SIPA1L1: variants seen among roughly 807,000 people sequenced by gnomAD.
SIPA1L1 encodes signal-induced proliferation-associated 1-like protein 1.
A neutral mutation model predicts 162.7 loss-of-function variants in SIPA1L1; 26 were observed. The ratio of observed to expected loss-of-function variants is 0.16; its 90% CI spans 0.12 to 0.22. The LOEUF (loss-of-function observed/expected upper bound fraction) is 0.22. SIPA1L1 is among the 10% of genes least tolerant of loss of function. SIPA1L1 has a pLI of 1.00. For synonymous variants in SIPA1L1, 829 were observed against 837.4 expected (o/e 0.99, Z 0.17); for missense variants, 1,874 against 2,241.0 (o/e 0.84, Z 3.31).
rs1548601 is a variant in SIPA1L1, at chr14:71,708,037, T to G, written c.3766-1185T>G. Among the ~76,000 whole-genome samples, 881 of 149,280 alleles carry G rather than the reference T, an allele frequency of 5.9e-3. 6 individuals are homozygous for G. The highest frequency in any genetic ancestry group is 0.01 in the Non-Finnish European group (683 of 67,322). On this transcript the variant is annotated intron_variant, in intron 16 of 23. Transcript: ENST00000381232. ...GGTGTTTTTTTTTTTTTGTTTTTTT[T>G]TTTTTTTTTGGAGAAATGTCTATTC... is the stretch of plus-strand genomic sequence containing the variant.
At chr14:71,371,692 G>A (rs2038907085) in intron 2 of SIPA1L1, among the ~76,000 whole-genome samples, 1 of 152,064 alleles carries the variant, frequency 6.6e-6, no homozygotes, top group African/African-American at 2.4e-5. Context: ...GCAACACCGT[G>A]CCTGGCCAGA....
Position 71,671,416 on chromosome 14 carries a change from C to A in SIPA1L1, c.2553C>A (p.Ala851=). 2 of 1,614,186 alleles carry A rather than the reference C, an allele frequency of 1.2e-6. No individual in the cohort carries two copies. The highest frequency in any genetic ancestry group is 1.7e-6 in the Non-Finnish European group (2 of 1,180,036). ...AAAAGTCTAAGCCATATCCAGGAGC[C>A]GAGCTCAGCAGCATGGGGGCCATTG... ...KKEKSKPYPG[A]ELSSMGAIVW... Residue 851 remains alanine, a synonymous_variant, in exon 11 of 24, where the codon GCC becomes GCA. Coordinates refer to ENST00000381232, the MANE Select transcript of SIPA1L1 (RefSeq NM_001386936.1).
At chr14:71,419,480 C>CTTTTTTTT (rs779874892) in intron 2 of SIPA1L1, among the ~76,000 whole-genome samples, 2 of 85,248 alleles carry the variant, frequency 2.3e-5, no homozygotes, top group African/African-American at 4.8e-5. Context: ...GAGGATCTCT[C>CTTTTTTTT]TTTTTTTTTT....
chr14:71,687,140 A>G (rs2080929658), intron 13 of SIPA1L1, among the ~76,000 whole-genome samples: 2 of 152,254 alleles, frequency 1.3e-5, no homozygotes, highest in Non-Finnish European at 1.5e-5. Flanking sequence ...AAAACAGACA[A>G]ACCAAAAACA....
At chr14:71,446,956 G>T (rs2045448564) in intron 2 of SIPA1L1, among the ~76,000 whole-genome samples, 1 of 114,300 alleles carries the variant, frequency 8.7e-6, no homozygotes, top group Non-Finnish European at 1.7e-5. Flanking sequence ...TTGTTTCCCA[G>T]GCTGGAGTGC....
intron 2 of SIPA1L1, among the ~76,000 whole-genome samples, chr14:71,498,435 A>G (rs925931319): frequency 1.4e-4 from 21 of 152,306 alleles, no homozygotes; most frequent in African/African-American, 5.1e-4. Flanking sequence ...ATAAGGCTAT[A>G]AGAATCATGT....
chr14:71,335,116 C>T (rs978258484), intron 2 of SIPA1L1, among the ~76,000 whole-genome samples: 11 of 152,062 alleles, frequency 7.2e-5, no homozygotes, highest in Non-Finnish European at 1.2e-4. Context: ...CTGGCTAGCA[C>T]GGAGAAACCC....
chr14:71,691,120 G>T (rs935347610), intron 13 of SIPA1L1, among the ~76,000 whole-genome samples: 3 of 152,114 alleles, frequency 2.0e-5, no homozygotes, highest in Admixed American at 6.5e-5. Flanking sequence ...TTCTCATTTC[G>T]CACTAAGTTT....
At chr14:71,677,942 G>C (rs959581238) in intron 12 of SIPA1L1, among the ~76,000 whole-genome samples, 2 of 152,162 alleles carry the variant, frequency 1.3e-5, no homozygotes, top group East Asian at 1.9e-4. Context: ...GCATAGGATT[G>C]TCTTGGCAAT....
chr14:71,738,211 C>T, intron 22 of SIPA1L1, 30 bp from the exon 23 acceptor site: 2 of 1,387,210 alleles, frequency 1.4e-6, no homozygotes, highest in Non-Finnish European at 2.0e-6. Flanking sequence ...GAGGCCCCTG[C>T]CAACATGGTC....
intron 3 of SIPA1L1, among the ~76,000 whole-genome samples, chr14:71,518,866 G>A (rs555263652): frequency 8.5e-5 from 13 of 152,238 alleles, no homozygotes; most frequent in African/African-American, 2.9e-4. Context: ...TGGCTGGGGA[G>A]GCCTCAGAAT....
rs112807331 is a variant in SIPA1L1, at chr14:71,677,849, C to T, written c.3104+5227C>T. Among the ~76,000 whole-genome samples the T allele has an allele frequency of 4.5e-3, 679 of 152,278 alleles. 6 individuals carry two copies. The highest frequency in any genetic ancestry group is 0.015 in the African/African-American group (643 of 41,534). On this transcript the variant is annotated intron_variant, in intron 12 of 23. Coordinates refer to ENST00000381232, the MANE Select transcript of SIPA1L1 (RefSeq NM_001386936.1). Reference sequence around the variant, plus strand: ...TTGGTCTATACCTCTATTTTGGTACCAGTACCATGCTGTTTTGGTTACTGT... The same window carrying T: ...TTGGTCTATACCTCTATTTTGGTACTAGTACCATGCTGTTTTGGTTACTGT...
At chr14:71,537,671 C>A (rs2054024033) in intron 4 of SIPA1L1, among the ~76,000 whole-genome samples, 1 of 152,116 alleles carries the variant, frequency 6.6e-6, no homozygotes, top group Non-Finnish European at 1.5e-5. Flanking sequence ...TTTTCCCCTG[C>A]ATCTTCATTT....
At chr14:71,420,651 G>A (rs923296224) in intron 2 of SIPA1L1, among the ~76,000 whole-genome samples, 3 of 152,136 alleles carry the variant, frequency 2.0e-5, no homozygotes, top group Non-Finnish European at 4.4e-5. Flanking sequence ...AAAGTGCAGT[G>A]AGCCCCCATA....
chr14:71,571,808 A>ATTT (rs529764911), intron 4 of SIPA1L1, among the ~76,000 whole-genome samples: 13 of 128,024 alleles, frequency 1.0e-4, no homozygotes, highest in African/African-American at 3.8e-4. Context: ...TGCCTGGCTC[A>ATTT]TTTTTTTTTT....
intron 7 of SIPA1L1, among the ~76,000 whole-genome samples, chr14:71,627,530 A>G (rs2040151779): frequency 1.3e-5 from 2 of 152,178 alleles, no homozygotes. Context: ...CACACCAATA[A>G]GAATTTATAA....
chr14:71,452,073 A>G (rs1368104256), intron 2 of SIPA1L1, among the ~76,000 whole-genome samples: 1 of 152,202 alleles, frequency 6.6e-6, no homozygotes, highest in African/African-American at 2.4e-5. Flanking sequence ...GATAGATCCT[A>G]CGTTTTCACC....
chr14:71,411,099 A>G (rs768782508), intron 2 of SIPA1L1, among the ~76,000 whole-genome samples: 9 of 152,058 alleles, frequency 5.9e-5, no homozygotes, highest in Admixed American at 4.6e-4. Flanking sequence ...ATGCCCACAC[A>G]TCAGACTTTT....
intron 12 of SIPA1L1, among the ~76,000 whole-genome samples, chr14:71,676,828 A>C (rs192931361): frequency 3.3e-5 from 5 of 152,222 alleles, no homozygotes; most frequent in African/African-American, 1.2e-4. Context: ...ACGGCTGCAT[A>C]GTATTCCATG....
Sources: allele counts gnomAD v4.1 joint callset (sites outside exome capture counted in the v4.1 genomes callset), GRCh38; gene constraint gnomAD v4.1.1; transcripts MANE v1.5; gene names NCBI Gene and HGNC (gene_info 2026-07-23, HGNC 2026-07-21).